CHIC2: variants seen among roughly 807,000 people sequenced by gnomAD.
The protein encoded by CHIC2 is cysteine rich hydrophobic domain 2, also known as cysteine-rich hydrophobic domain-containing protein 2.
CHIC2 carries 14 observed loss-of-function variants against 25.9 expected under a neutral mutation model. The ratio of observed to expected loss-of-function variants is 0.54; its 90% CI spans 0.36 to 0.85. The LOEUF (loss-of-function observed/expected upper bound fraction) is 0.85. CHIC2 is among the 40% of genes least tolerant of loss of function. CHIC2 has a pLI of 0.01. For missense variants in CHIC2, 146 were observed against 202.0 expected (o/e 0.72, Z 1.68); for synonymous variants, 70 against 72.0 (o/e 0.97, Z 0.14).
the CHIC2 span, among the ~76,000 whole-genome samples, chr4:54,077,652 A>T: frequency 6.6e-6 from 1 of 152,220 alleles, no homozygotes; most frequent in Non-Finnish European, 1.5e-5. Flanking sequence ...CCACAAGAAT[A>T]TGCTTCCTCA....
intron 3 of CHIC2, among the ~76,000 whole-genome samples, chr4:54,030,731 G>A (rs552466233): frequency 1.1e-4 from 16 of 145,716 alleles, no homozygotes; most frequent in Non-Finnish European, 1.8e-4. Context: ...GCAATGGCAC[G>A]ATCTCGGCTC....
At chr4:54,040,287 C>T (rs1716523802) in intron 3 of CHIC2, among the ~76,000 whole-genome samples, 1 of 152,222 alleles carries the variant, frequency 6.6e-6, no homozygotes, top group Non-Finnish European at 1.5e-5. Flanking sequence ...ACAGAACATG[C>T]TGGGCGCAGT....
chr4:54,015,565 AG>A (rs1715714081), intron 3 of CHIC2, among the ~76,000 whole-genome samples: 1 of 152,096 alleles, frequency 6.6e-6, no homozygotes, highest in Non-Finnish European at 1.5e-5. Context: ...TCCCTTGTCT[AG>A]CCCCCAAGCT....
chr4:54,060,189 A>T (rs1394094072), intron 1 of CHIC2: 3 of 150,914 alleles, frequency 2.0e-5, no homozygotes, highest in Non-Finnish European at 4.4e-5. Flanking sequence ...GATGTCTCTT[A>T]TTCAAAAGTC....
At chr4:54,066,975 C>T (rs940056756), upstream of CHIC2, among the ~76,000 whole-genome samples, 3 of 152,192 alleles carry the variant, frequency 2.0e-5, no homozygotes, top group African/African-American at 2.4e-5. Context: ...GACAACTTCC[C>T]AAAGACGGAG....
intron 1 of CHIC2, chr4:54,059,989 A>C (rs1185683195): frequency 6.6e-6 from 1 of 152,216 alleles, no homozygotes. Context: ...GGGTGGGAGA[A>C]AGAAGTAGGA....
rs1281093491 is a variant in CHIC2 at position 54,010,107 on chromosome 4, A to G, written c.486T>C (p.Phe162=). 3.7e-6 allele frequency: 6 copies of G among 1,606,144 alleles called. No individual in the cohort carries two copies. The highest frequency in any genetic ancestry group is 5.1e-6 in the Non-Finnish European group (6 of 1,173,410). ...LIEFLPKTPI[F]RPD ...AATAAAGTAAATGCTAATCTGGTCG[A>G]AAAATCGGTGTCTTTGGTAAAAATT... The change falls in exon 6 of 6, where the codon TTT becomes TTC. Residue 162 remains phenylalanine, a synonymous_variant. Transcript: ENST00000263921.
the CHIC2 span, among the ~76,000 whole-genome samples, chr4:54,072,483 C>T: frequency 3.9e-5 from 6 of 152,142 alleles, no homozygotes; most frequent in African/African-American, 1.4e-4. Flanking sequence ...GCCTTCAAAA[C>T]CATGTACCAG....
chr4:54,086,850 T>C, the CHIC2 span: 3 of 540,438 alleles, frequency 5.6e-6, no homozygotes, highest in Non-Finnish European at 1.0e-5. Context: ...CTGCAAGATC[T>C]ATAAGAGTCC....
At chr4:54,046,061 GAGAATA>G (rs1193681969) in intron 3 of CHIC2, among the ~76,000 whole-genome samples, 1 of 146,426 alleles carries the variant, frequency 6.8e-6, no homozygotes, top group African/African-American at 2.5e-5. Flanking sequence ...TTGCTTCAAA[GAGAATA>G]AAATACCTAG....
At chr4:54,054,411 G>C (rs1296019333) in intron 1 of CHIC2, among the ~76,000 whole-genome samples, 1 of 152,158 alleles carries the variant, frequency 6.6e-6, no homozygotes, top group East Asian at 1.9e-4. Flanking sequence ...ATGCAGAAAT[G>C]CAAGAATCCA....
the CHIC2 span, among the ~76,000 whole-genome samples, chr4:54,088,269 T>A: frequency 4.6e-5 from 7 of 152,194 alleles, no homozygotes; most frequent in Non-Finnish European, 1.0e-4. Flanking sequence ...ATTCTGTCTT[T>A]GCGCAAATTG....
Position 54,036,665 on chromosome 4 carries a change from T to A in CHIC2, c.330+12290A>T, listed in dbSNP as rs146294163. On this transcript the variant is annotated intron_variant, in intron 3 of 5. Transcript: ENST00000263921. Reference sequence around the variant, plus strand: ...CAACTCTTTAAAAGACTATACTAAATGTTGACAAGTATGTAGCAGAACAGA... The same window carrying A: ...CAACTCTTTAAAAGACTATACTAAAAGTTGACAAGTATGTAGCAGAACAGA... Among the ~76,000 whole-genome samples, 602 of 152,222 alleles carry A rather than the reference T, an allele frequency of 4.0e-3. 6 individuals carry two copies. Among genetic ancestry groups the A allele is most frequent in the African/African-American group, 0.014 (571 of 41,518 alleles).
intron 5 of CHIC2, among the ~76,000 whole-genome samples, chr4:54,012,588 A>G (rs1434819441): frequency 8.5e-5 from 13 of 152,054 alleles, no homozygotes; most frequent in Admixed American, 8.5e-4. Flanking sequence ...TTTTTTCACT[A>G]AATTCTTTAC....
intron 1 of CHIC2, among the ~76,000 whole-genome samples, chr4:54,062,585 T>C (rs1376846598): frequency 6.6e-6 from 1 of 152,184 alleles, no homozygotes; most frequent in Non-Finnish European, 1.5e-5. Context: ...CACTATTGCA[T>C]TTTCCACTTG....
At chr4:54,048,632 T>C (rs1249558789) in intron 3 of CHIC2, among the ~76,000 whole-genome samples, 2 of 152,148 alleles carry the variant, frequency 1.3e-5, no homozygotes, top group Non-Finnish European at 2.9e-5. Context: ...TTAGGAAACG[T>C]GCCTAAGGTC....
At position 54,063,673 on chromosome 4, in the gene CHIC2, T is replaced by C. The variant is rs569539019; in HGVS notation, c.119+509A>G. 6.6e-5 allele frequency among the ~76,000 whole-genome samples: 10 copies of C among 152,370 alleles called. No homozygotes were observed. The South Asian group carries it at 2.1e-3, about 32-fold the overall frequency. On this transcript the variant is annotated intron_variant, in intron 1 of 5. Coordinates refer to ENST00000263921, the MANE Select transcript of CHIC2 (RefSeq NM_012110.4). ...CACGTACAATTACAAGAACTTGCAT[T>C]AGTTCTGCGGAAATTAGTGGAAAAA...
At chr4:54,058,243 T>C (rs1413194345) in intron 1 of CHIC2, among the ~76,000 whole-genome samples, 3 of 152,186 alleles carry the variant, frequency 2.0e-5, no homozygotes, top group Non-Finnish European at 4.4e-5. Flanking sequence ...AATAATTTAT[T>C]GAATGCCTAT....
In CHIC2 at chr4:54,009,971, C is replaced by CAA; in HGVS notation, c.*122_*123dup. On this transcript the variant is annotated 3_prime_UTR_variant, in exon 6 of 6. Coordinates refer to ENST00000263921, the MANE Select transcript of CHIC2 (RefSeq NM_012110.4). ...CGGTTATTTAAAAAAAAAACAAAAA[C>CAA]AAAAACAAAAAAAACACCACACGAT... is the stretch of plus-strand genomic sequence containing the variant. The CAA allele has an allele frequency of 4.4e-6, 2 of 455,806 alleles. No homozygotes were observed. The highest frequency in any genetic ancestry group is 7.4e-6 in the Non-Finnish European group (2 of 269,554). 28.2% of individuals were successfully genotyped at this position (455,806 alleles called of 1,614,324 possible). A position where few individuals can be genotyped will look rare whatever the true frequency, so the allele number is the denominator to read the frequency against.
Sources: gnomAD v4.1 joint callset for allele counts (sites outside exome capture counted in the v4.1 genomes callset) on GRCh38, gnomAD v4.1.1 for gene constraint, MANE v1.5 for transcripts, NCBI Gene and HGNC (gene_info 2026-07-23, HGNC 2026-07-21) for gene names.